The following MIEF1 variants were observed in gnomAD, a reference collection of about 807,000 sequenced individuals.
MIEF1 encodes mitochondrial elongation factor 1.
MIEF1 carries 14 observed loss-of-function variants against 35.1 expected under a neutral mutation model. That is an observed-to-expected ratio of 0.40 (90% CI 0.26 to 0.62). The LOEUF (loss-of-function observed/expected upper bound fraction) is 0.62, where lower values mean the gene tolerates loss of function less well. Ranked by LOEUF, MIEF1 falls within the 20% of genes least tolerant of loss-of-function variation. MIEF1 has a pLI of 0.43. For missense variants in MIEF1, 542 were observed against 615.4 expected (o/e 0.88, Z 1.26); for synonymous variants, 245 against 254.3 (o/e 0.96, Z 0.35).
chr22:39,504,053 T>C, intron 1 of MIEF1, 150 bp from the exon 2 acceptor site: 1 of 392,800 alleles, frequency 2.5e-6, no homozygotes, highest in Non-Finnish European at 4.5e-6. Context: ...GAGGCTGGGG[T>C]CTCTAGTTCT....
At chr22:39,512,521 G>T in intron 5 of MIEF1, 27 bp downstream of exon 5, 2 of 1,589,490 alleles carry the variant, frequency 1.3e-6, no homozygotes, top group South Asian at 2.3e-5. Context: ...CATGGTGGGT[G>T]GGGTTTGAGT....
Position 39,514,438 on chromosome 22 carries a change from C to A in MIEF1, c.*115C>A. 2.0e-6 allele frequency: 2 copies of A among 976,886 alleles called. No homozygotes were observed. The highest frequency in any genetic ancestry group is 1.5e-6 in the Non-Finnish European group (1 of 645,460). 60.5% of individuals were successfully genotyped at this position (976,886 alleles called of 1,614,324 possible). Reference sequence around the variant, plus strand: ...TCCTGCTGCCTGGTGTCTTGCTGATCATCACCCTGGTCACTTCATGCTGAT... The same window carrying A: ...TCCTGCTGCCTGGTGTCTTGCTGATAATCACCCTGGTCACTTCATGCTGAT... On this transcript the variant is annotated 3_prime_UTR_variant, in exon 6 of 6. Transcript: ENST00000325301.
Position 39,511,275 on chromosome 22 carries a change from T to C in MIEF1, c.-7-13T>C. The C allele has an allele frequency of 6.2e-7, 1 of 1,613,562 alleles. No individual in the cohort carries two copies. Among genetic ancestry groups the C allele is most frequent in the Non-Finnish European group, 8.5e-7 (1 of 1,179,804 alleles). ...TCCCAGTACTTATGGCCGTGTTCTG[T>C]CTTCATTCTCAGATGAGCAATGGCA... On this transcript the variant is annotated splice_polypyrimidine_tract_variant and intron_variant, in intron 2 of 5. Transcript: ENST00000325301.
Position 39,515,023 on chromosome 22 carries a change from G to T in MIEF1, c.*700G>T, listed in dbSNP as rs1930584629. 2 of 559,114 alleles carry T rather than the reference G, an allele frequency of 3.6e-6. No individual in the cohort carries two copies. Among genetic ancestry groups the T allele is most frequent in the Non-Finnish European group, 6.3e-6 (2 of 316,368 alleles). 34.6% of individuals were successfully genotyped at this position (559,114 alleles called of 1,614,324 possible). A position where few individuals can be genotyped will look rare whatever the true frequency, so the allele number is the denominator to read the frequency against. On this transcript the variant is annotated 3_prime_UTR_variant, in exon 6 of 6. Coordinates refer to ENST00000325301, the MANE Select transcript of MIEF1 (RefSeq NM_019008.6). The stretch of plus-strand genomic sequence containing the variant: ...GGATAAGCTGAATGCAAAGTTATTT[G>T]CAGGTTGAATTTCTTGGTGGCTATT...
rs1227634337 is a variant in MIEF1 at position 39,517,573 on chromosome 22, C to A, written c.*3250C>A. 1 of 471,190 alleles carries A rather than the reference C, an allele frequency of 2.1e-6. No individual in the cohort carries two copies. The highest frequency in any genetic ancestry group is 6.9e-5 in the East Asian group (1 of 14,402). 29.2% of individuals were successfully genotyped at this position (471,190 alleles called of 1,614,324 possible). On this transcript the variant is annotated 3_prime_UTR_variant, in exon 6 of 6. Coordinates refer to ENST00000325301, the MANE Select transcript of MIEF1 (RefSeq NM_019008.6). ...CCGAGGTGGGAGGGTTCTGTAAATA[C>A]AGACTACTGCGAGTGTCCAGAGCTC... is the stretch of plus-strand genomic sequence containing the variant.
chr22:39,504,288 G>T lies in MIEF1; in HGVS notation c.-254G>T. 1 of 399,072 alleles carries T rather than the reference G, an allele frequency of 2.5e-6. No individual in the cohort carries two copies. The highest frequency in any genetic ancestry group is 2.1e-5 in the African/African-American group (1 of 48,742). The allele number at this position is 399,072 out of a possible 1,614,324, so 24.7% of individuals were successfully genotyped here. ...TCTCTATCGGGCTCTGTTGCGCCAG[G>T]GCCGACAGCTTCGCTACACTGATCG... On this transcript the variant is annotated 5_prime_UTR_variant, in exon 2 of 6. Transcript: ENST00000325301.
At chr22:39,513,492 A>G (rs1341272609) in intron 5 of MIEF1, 25 bp from the exon 6 acceptor site, 11 of 1,608,710 alleles carry the variant, frequency 6.8e-6, no homozygotes, top group Non-Finnish European at 9.4e-6. Flanking sequence ...AAACCCTCAA[A>G]ACCCTTTAAA....
At position 39,514,302 on chromosome 22, in the gene MIEF1, A is replaced by G; in HGVS notation, c.1371A>G (p.Pro457=). ...CTCTGTATTGCTCATTGTCTGAGCC[A>G]GAGGTGCTGCTGCAGACGTAGGGCA... ...GYTLYCSLSE[P]EVLLQT Residue 457 remains proline (P), a synonymous_variant, in exon 6 of 6, where the codon CCA becomes CCG. Coordinates refer to ENST00000325301, the MANE Select transcript of MIEF1 (RefSeq NM_019008.6). 2 of 1,613,776 alleles carry G rather than the reference A, an allele frequency of 1.2e-6. No homozygotes were observed. The highest frequency in any genetic ancestry group is 2.2e-5 in the East Asian group (1 of 44,878).
upstream of MIEF1, chr22:39,500,582 A>G (rs961655962): frequency 6.6e-6 from 1 of 151,772 alleles, no homozygotes; most frequent in African/African-American, 2.4e-5. Flanking sequence ...AAAGAGTGGA[A>G]AGAACACACA....
intron 2 of MIEF1, among the ~76,000 whole-genome samples, chr22:39,507,367 T>A (rs1444920905): frequency 6.6e-6 from 1 of 151,838 alleles, no homozygotes; most frequent in Non-Finnish European, 1.5e-5. Context: ...TGCCTCGGCC[T>A]CCCGAGTAGC....
Position 39,515,614 on chromosome 22 carries a change from CCTT to C in MIEF1, c.*1292_*1294del, listed in dbSNP as rs1930624744. 1 of 490,864 alleles carries C rather than the reference CCTT, an allele frequency of 2.0e-6. No individual in the cohort carries two copies. Among genetic ancestry groups the C allele is most frequent in the Non-Finnish European group, 3.6e-6 (1 of 277,190 alleles). The allele number at this position is 490,864 out of a possible 1,614,324, so 30.4% of individuals were successfully genotyped here. A position where few individuals can be genotyped will look rare whatever the true frequency, so the allele number is the denominator to read the frequency against. On this transcript the variant is annotated 3_prime_UTR_variant, in exon 6 of 6. Transcript: ENST00000325301. ...GGAGGTGGGCATTTCCTACATTCCT[CCTT>C]GTTTGCCGCTGCTGAGATTGCAGTA...
intron 2 of MIEF1, among the ~76,000 whole-genome samples, chr22:39,507,467 G>A (rs538530008): frequency 1.5e-4 from 23 of 151,852 alleles, no homozygotes; most frequent in East Asian, 9.9e-4. Context: ...GGATGGTCTC[G>A]ATCTCCTGAC....
chr22:39,507,315 G>A (rs1338704473), intron 2 of MIEF1, among the ~76,000 whole-genome samples: 1 of 151,846 alleles, frequency 6.6e-6, no homozygotes, highest in African/African-American at 2.4e-5. Flanking sequence ...GTGCAATCTT[G>A]GCTCACTGCA....
In MIEF1 at chr22:39,514,482, G is replaced by A. The variant is rs946573504; in HGVS notation, c.*159G>A. 6 of 691,034 alleles carry A rather than the reference G, an allele frequency of 8.7e-6. No homozygotes were observed. Among genetic ancestry groups the A allele is most frequent in the African/African-American group, 5.4e-5 (3 of 55,528 alleles). 42.8% of individuals were successfully genotyped at this position (691,034 alleles called of 1,614,324 possible). A position where few individuals can be genotyped will look rare whatever the true frequency, so the allele number is the denominator to read the frequency against. On this transcript the variant is annotated 3_prime_UTR_variant, in exon 6 of 6. Coordinates refer to ENST00000325301, the MANE Select transcript of MIEF1 (RefSeq NM_019008.6). ...TGCTGATTAGAATGACATCTCTTTC[G>A]TCTCCTATTTTGTTACCCAACTCTT... is the stretch of plus-strand genomic sequence containing the variant.
chr22:39,503,918 A>G (rs1569013873), intron 1 of MIEF1: 2 of 256,346 alleles, frequency 7.8e-6, no homozygotes, highest in Non-Finnish European at 1.5e-5. Context: ...CCATTTTATA[A>G]GTGAGGAAGC....
intron 3 of MIEF1, 117 bp downstream of exon 3, chr22:39,511,555 GA>G (rs964225207): frequency 1.9e-5 from 27 of 1,394,624 alleles, no homozygotes; most frequent in Non-Finnish European, 2.6e-5. Flanking sequence ...AATGATAAGT[GA>G]AAAAAACAGG....
At chr22:39,501,156 T>G (rs994888027), upstream of MIEF1, among the ~76,000 whole-genome samples, 1 of 152,174 alleles carries the variant, frequency 6.6e-6, no homozygotes, top group Admixed American at 6.5e-5. Flanking sequence ...CTCCCAGTTC[T>G]GGTAAGGGCC....
In MIEF1 at chr22:39,515,286, C is replaced by T; in HGVS notation, c.*963C>T. On this transcript the variant is annotated 3_prime_UTR_variant, in exon 6 of 6. Transcript: ENST00000325301. ...ATCAGGTGAGGATGATGGAGGTAGA[C>T]AGTCGACTGAATGTCAGCTGGAAAA... 3 of 717,560 alleles carry T rather than the reference C, an allele frequency of 4.2e-6. No individual in the cohort carries two copies. The highest frequency in any genetic ancestry group is 7.8e-6 in the Non-Finnish European group (3 of 385,110). 44.4% of individuals were successfully genotyped at this position (717,560 alleles called of 1,614,324 possible).
In MIEF1 at chr22:39,513,672, C is replaced by T. The variant is rs1569020074; in HGVS notation, c.741C>T (p.Tyr247=). 1 of 1,614,184 alleles carries T rather than the reference C, an allele frequency of 6.2e-7. No homozygotes were observed. The highest frequency in any genetic ancestry group is 2.2e-5 in the East Asian group (1 of 44,882). ...AGTACTTTCCTCGTGGGAGCAGTTA[C>T]TGGGACCGCTGTGTAGTAGGGGGCT... The part of the protein sequence containing the change: ...NPEYFPRGSS[Y]WDRCVVGGYL... Residue 247 remains tyrosine (Y), a synonymous_variant, in exon 6 of 6, where the codon TAC becomes TAT. Transcript: ENST00000325301.
Sources: gnomAD v4.1 joint callset for allele counts (sites outside exome capture counted in the v4.1 genomes callset) on GRCh38, gnomAD v4.1.1 for gene constraint, MANE v1.5 for transcripts, NCBI Gene and HGNC (gene_info 2026-07-23, HGNC 2026-07-21) for gene names.